Variants in LRP1B observed in about 807,000 individuals in gnomAD.
LRP1B encodes the protein LDL receptor related protein 1B.
A neutral mutation model predicts 556.6 loss-of-function variants in LRP1B; 217 were observed. The observed-to-expected ratio is 0.39, with a 90% CI of 0.35 to 0.44. The LOEUF (loss-of-function observed/expected upper bound fraction) is 0.44. Among genes scored for constraint, LRP1B ranks in the 20% least tolerant of loss-of-function variants. The probability of loss-of-function intolerance (pLI) is 1.00; values close to 1 mark genes in which losing one functional copy is unlikely to be tolerated. For missense variants in LRP1B, 5,053 were observed against 5,620.8 expected (o/e 0.90, Z 3.23); for synonymous variants, 2,047 against 1,865.8 (o/e 1.10, Z -2.50).
intron 2 of LRP1B, among the ~76,000 whole-genome samples, chr2:141,791,763 A>T (rs1695620496): frequency 6.6e-6 from 1 of 152,168 alleles, no homozygotes; most frequent in Admixed American, 6.6e-5. Flanking sequence ...CAGCCACAGC[A>T]TGCTAGCCAG....
chr2:140,918,595 C>A (rs1017816033), intron 21 of LRP1B, among the ~76,000 whole-genome samples: 1 of 152,076 alleles, frequency 6.6e-6, no homozygotes, highest in African/African-American at 2.4e-5. Context: ...TATTATCAAT[C>A]AACTGATGTC....
At chr2:141,075,558 C>CG (rs1699765242) in intron 7 of LRP1B, among the ~76,000 whole-genome samples, 1 of 152,012 alleles carries the variant, frequency 6.6e-6, no homozygotes, top group African/African-American at 2.4e-5. Flanking sequence ...GCTCAATATA[C>CG]GTGATTCATG....
chr2:141,391,206 T>G (rs1375533587), intron 3 of LRP1B, among the ~76,000 whole-genome samples: 1 of 152,234 alleles, frequency 6.6e-6, no homozygotes, highest in Non-Finnish European at 1.5e-5. Context: ...GAATTTGTGC[T>G]ATAAATTCTA....
chr2:140,376,610 A>C (rs114463491), intron 68 of LRP1B, among the ~76,000 whole-genome samples: 2,468 of 152,222 alleles, frequency 0.016, 68 homozygotes, highest in African/African-American at 0.057. Flanking sequence ...TTTTGTGAAG[A>C]GCTCCATGAC....
chr2:141,292,416 C>T (rs149342986), intron 3 of LRP1B, among the ~76,000 whole-genome samples: 274 of 152,128 alleles, frequency 1.8e-3, no homozygotes, highest in African/African-American at 6.1e-3. Context: ...AAAATCATTG[C>T]CCCCTCCTGG....
intron 18 of LRP1B, among the ~76,000 whole-genome samples, chr2:140,966,514 T>C (rs1558769187): frequency 6.6e-6 from 1 of 152,226 alleles, no homozygotes; most frequent in Non-Finnish European, 1.5e-5. Context: ...TTCACTCTGA[T>C]GGAAGTTTCT....
At chr2:140,549,403 A>G (rs535453837) in intron 43 of LRP1B, among the ~76,000 whole-genome samples, 1 of 152,306 alleles carries the variant, frequency 6.6e-6, no homozygotes, top group Admixed American at 6.5e-5. Context: ...ACAAATTGGT[A>G]TCAAATGTAT....
At chr2:141,712,999 A>G (rs1390865315) in intron 2 of LRP1B, among the ~76,000 whole-genome samples, 4 of 151,762 alleles carry the variant, frequency 2.6e-5, no homozygotes, top group East Asian at 1.9e-4. Context: ...ATCTTCAAGT[A>G]TACAAGTACA....
At chr2:140,364,636 T>A (rs769753431) in intron 72 of LRP1B, 25 bp downstream of exon 72, 1 of 1,607,294 alleles carries the variant, frequency 6.2e-7, no homozygotes, top group South Asian at 1.1e-5. Context: ...AAAAGTATAA[T>A]CTAGAGCCAC....
chr2:141,782,791 C>A (rs1050404066), intron 2 of LRP1B, among the ~76,000 whole-genome samples: 5 of 151,928 alleles, frequency 3.3e-5, no homozygotes, highest in Admixed American at 1.3e-4. Flanking sequence ...TTCACAGAAG[C>A]TTTTTTTCCC....
chr2:141,446,520 T>C (rs1324560111), intron 3 of LRP1B, among the ~76,000 whole-genome samples: 1 of 152,176 alleles, frequency 6.6e-6, no homozygotes, highest in Non-Finnish European at 1.5e-5. Context: ...GACTTTACAA[T>C]TTGGTATGTT....
At chr2:141,170,565 A>G (rs960677979) in intron 7 of LRP1B, among the ~76,000 whole-genome samples, 1 of 152,088 alleles carries the variant, frequency 6.6e-6, no homozygotes, top group Admixed American at 6.6e-5. Context: ...ATGCCAGTTT[A>G]TTAACAAGGG....
At chr2:140,803,509 A>G (rs1690597301) in intron 32 of LRP1B, among the ~76,000 whole-genome samples, 1 of 151,940 alleles carries the variant, frequency 6.6e-6, no homozygotes, top group Non-Finnish European at 1.5e-5. Flanking sequence ...TGTGTTAGCC[A>G]GGATGGTCTC....
chr2:142,079,922 C>T (rs535957279), intron 1 of LRP1B, among the ~76,000 whole-genome samples: 54 of 152,256 alleles, frequency 3.5e-4, no homozygotes, highest in African/African-American at 1.3e-3. Flanking sequence ...ATCAGCCATC[C>T]TGTCTATAAA....
chr2:141,521,308 A>G (rs1684521637), intron 2 of LRP1B, among the ~76,000 whole-genome samples: 1 of 152,120 alleles, frequency 6.6e-6, no homozygotes, highest in Non-Finnish European at 1.5e-5. Flanking sequence ...GAAACTTTTT[A>G]TCCACATTTT....
chr2:140,988,117 G>C (rs1696981208), intron 17 of LRP1B, among the ~76,000 whole-genome samples: 1 of 151,990 alleles, frequency 6.6e-6, no homozygotes, highest in Non-Finnish European at 1.5e-5. Context: ...ATATCATTTG[G>C]GATAAAGAGA....
chr2:141,822,237 C>T (rs1696779310), intron 1 of LRP1B, among the ~76,000 whole-genome samples: 1 of 151,900 alleles, frequency 6.6e-6, no homozygotes, highest in Non-Finnish European at 1.5e-5. Flanking sequence ...ACATTCAACA[C>T]GGTTGACTGG....
chr2:141,051,699 A>G (rs758827623), intron 10 of LRP1B, among the ~76,000 whole-genome samples: 16 of 152,106 alleles, frequency 1.1e-4, no homozygotes, highest in Non-Finnish European at 2.1e-4. Flanking sequence ...TTAAATTTTT[A>G]AAAGAGTTTT....
chr2:140,495,433 T>C lies in LRP1B; in HGVS notation c.9034+132A>G, dbSNP rs547935922. On this transcript the variant is annotated intron_variant, in intron 56 of 90. Transcript: ENST00000389484. ...AAAATCAGAGTGACAGATTCTCATA[T>C]CAAGGGAAGTAGAGAAGAATTTTGA... is the stretch of plus-strand genomic sequence containing the variant. 31 of 674,692 alleles carry C rather than the reference T, an allele frequency of 4.6e-5. No homozygotes were observed. In the East Asian group the frequency reaches 7.0e-4, roughly 15 times the overall value. 41.8% of individuals were successfully genotyped at this position (674,692 alleles called of 1,614,324 possible). A position where few individuals can be genotyped will look rare whatever the true frequency, so the allele number is the denominator to read the frequency against.
Sources: gnomAD v4.1 joint callset for allele counts (sites outside exome capture counted in the v4.1 genomes callset) on GRCh38, gnomAD v4.1.1 for gene constraint, MANE v1.5 for transcripts, NCBI Gene and HGNC (gene_info 2026-07-23, HGNC 2026-07-21) for gene names.